COL9A2: variants seen among roughly 807,000 people sequenced by gnomAD.
COL9A2 encodes the protein collagen alpha-2(IX) chain.
A neutral mutation model predicts 111.6 loss-of-function variants in COL9A2; 66 were observed. The ratio of observed to expected loss-of-function variants is 0.59; its 90% CI spans 0.48 to 0.73. The LOEUF (loss-of-function observed/expected upper bound fraction) is 0.73. COL9A2 is among the 30% of genes least tolerant of loss of function. COL9A2 has a pLI of 0.00. For synonymous variants in COL9A2, 353 were observed against 364.1 expected, an observed-to-expected ratio of 0.97 and a Z score of 0.35; for missense variants, 881 against 954.1, an observed-to-expected ratio of 0.92 and a Z score of 1.01.
At chr1:40,306,080 T>C in intron 20 of COL9A2, 63 bp downstream of exon 20, 1 of 1,589,010 alleles carries the variant, frequency 6.3e-7, no homozygotes, top group Non-Finnish European at 8.6e-7. Context: ...GGCCTGGGCC[T>C]TGCTGTCTTC....
rs535319704 is a variant in COL9A2 at position 40,307,903 on chromosome 1, AG to A, written c.901-148del. On this transcript the variant is annotated intron_variant, in intron 17 of 31. Transcript: ENST00000372748. This position sits in a 1 kb window ranked among gnomAD's most constrained non-coding sequence, Gnocchi z 4.8. ...GGAAGCCCCACTGGCCAACTGGGGGAGGGGAGTTGAAGTGGGAAGGGGATGA... is the reference window on the plus strand; with the variant it reads ...GGAAGCCCCACTGGCCAACTGGGGGAGGGAGTTGAAGTGGGAAGGGGATGA... 1,731 of 856,290 alleles carry A rather than the reference AG, an allele frequency of 2.0e-3. 3 individuals carry two copies. The highest frequency in any genetic ancestry group is 2.6e-3 in the Non-Finnish European group (1,385 of 523,396). 53.0% of individuals were successfully genotyped at this position (856,290 alleles called of 1,614,324 possible).
At chr1:40,309,421 G>T (rs1374245249) in intron 16 of COL9A2, among the ~76,000 whole-genome samples, 1 of 148,706 alleles carries the variant, frequency 6.7e-6, no homozygotes, top group East Asian at 2.0e-4. Flanking sequence ...CCCCCAACAG[G>T]TCTATTAATT....
chr1:40,311,401 T>A lies in COL9A2; in HGVS notation c.519+99A>T. 6.4e-7 allele frequency: 1 copy of A among 1,569,876 alleles called. No individual in the cohort carries two copies. Among genetic ancestry groups the A allele is most frequent in the Non-Finnish European group, 8.7e-7 (1 of 1,152,350 alleles). On this transcript the variant is annotated intron_variant, in intron 10 of 31. Coordinates refer to ENST00000372748, the MANE Select transcript of COL9A2 (RefSeq NM_001852.4). This position sits in a 1 kb window ranked among gnomAD's most constrained non-coding sequence, Gnocchi z 5.1. Reference sequence around the variant, plus strand: ...GGTGGAACCCCTGCACTGCAGCCCCTCCCCATCTCTCCAGACACCCCCATC... The same window carrying A: ...GGTGGAACCCCTGCACTGCAGCCCCACCCCATCTCTCCAGACACCCCCATC...
In COL9A2 at chr1:40,311,438, G is replaced by A. The variant is rs1287338428; in HGVS notation, c.519+62C>T. ...CAGACACCCCCATCTCCGTGGCCCC[G>A]CCTCCCCATCTCTGTGGCCCCGCCC... is the stretch of plus-strand genomic sequence containing the variant. On this transcript the variant is annotated intron_variant, in intron 10 of 31. Transcript: ENST00000372748. The surrounding 1 kb of genome is among the most constrained non-coding windows in gnomAD (Gnocchi z 5.1). 10 of 816,852 alleles carry A rather than the reference G, an allele frequency of 1.2e-5. No individual in the cohort carries two copies. The East Asian group carries it at 1.6e-4, about 13-fold the overall frequency. 50.6% of individuals were successfully genotyped at this position (816,852 alleles called of 1,614,324 possible). A position where few individuals can be genotyped will look rare whatever the true frequency, so the allele number is the denominator to read the frequency against.
rs1408464649 is a variant in COL9A2, at chr1:40,303,703, A to G, written c.1402-27T>C. The G allele has an allele frequency of 6.8e-7, 1 of 1,476,068 alleles. No individual in the cohort carries two copies. The highest frequency in any genetic ancestry group is 1.6e-5 in the African/African-American group (1 of 62,862). 91.4% of individuals were successfully genotyped at this position (1,476,068 alleles called of 1,614,324 possible). On this transcript the variant is annotated intron_variant, in intron 27 of 31. Coordinates refer to ENST00000372748, the MANE Select transcript of COL9A2 (RefSeq NM_001852.4). The surrounding 1 kb of genome is among the most constrained non-coding windows in gnomAD (Gnocchi z 4.6). ...TGCGGGGGGATGGGGGTGGGAGCAG[A>G]GCCGGGTGAGAAGGCGCCCGGGTGG...
Position 40,307,634 on chromosome 1 carries a change from C to A in COL9A2, c.954+69G>T. Reference sequence around the variant, plus strand: ...GTCCATGACCTGAGGACCCCAGGCTCTTGGTGTCTAGAATCCAGGACTCAA... The same window carrying A: ...GTCCATGACCTGAGGACCCCAGGCTATTGGTGTCTAGAATCCAGGACTCAA... On this transcript the variant is annotated intron_variant, in intron 18 of 31. Transcript: ENST00000372748. This position sits in a 1 kb window ranked among gnomAD's most constrained non-coding sequence, Gnocchi z 4.8. 1 of 1,599,848 alleles carries A rather than the reference C, an allele frequency of 6.3e-7. No individual in the cohort carries two copies. The highest frequency in any genetic ancestry group is 1.1e-5 in the South Asian group (1 of 89,874).
In COL9A2 at chr1:40,314,291, C is replaced by T. The variant is rs369069863; in HGVS notation, c.187-24G>A. The T allele has an allele frequency of 4.3e-6, 7 of 1,614,080 alleles. No individual in the cohort carries two copies. The highest frequency in any genetic ancestry group is 5.9e-6 in the Non-Finnish European group (7 of 1,180,044). On this transcript the variant is annotated intron_variant, in intron 3 of 31. Coordinates refer to ENST00000372748, the MANE Select transcript of COL9A2 (RefSeq NM_001852.4). This position sits in a 1 kb window ranked among gnomAD's most constrained non-coding sequence, Gnocchi z 4.1. ...CCCTTGAAAACAGAGATGGAACAAA[C>T]ATGAGCCAGAGGAGGGCAAGAGCAG... is the stretch of plus-strand genomic sequence containing the variant.
rs1235609814 is a variant in COL9A2, at chr1:40,310,748, C to T, written c.650G>A (p.Gly217Asp). 3 of 1,563,456 alleles carry T rather than the reference C, an allele frequency of 1.9e-6. No individual in the cohort carries two copies. The highest frequency in any genetic ancestry group is 2.6e-6 in the Non-Finnish European group (3 of 1,153,242). ...AGGGATGCCTTGCTCTCCAGAGGCA[C>T]CCACATCTCCCTTGGGACCCTAAAG... is the stretch of plus-strand genomic sequence containing the variant. ...QGKPGPKGDV[G>D]ASGEQGIPGP... Residue 217 changes from glycine to aspartate, a missense_variant, in exon 13 of 32, where the codon GGT becomes GAT. Physicochemically the swap from Gly to Asp is moderately conservative, Grantham distance 94. Coordinates refer to ENST00000372748, the MANE Select transcript of COL9A2 (RefSeq NM_001852.4). This position sits in a 1 kb window ranked among gnomAD's most constrained non-coding sequence, Gnocchi z 4.9.
rs1643988414 is a variant in COL9A2, at chr1:40,304,401, A to G, written c.1216-10T>C. 6.2e-7 allele frequency: 1 copy of G among 1,607,270 alleles called. No individual in the cohort carries two copies. Among genetic ancestry groups the G allele is most frequent in the Non-Finnish European group, 8.5e-7 (1 of 1,176,940 alleles). On this transcript the variant is annotated splice_polypyrimidine_tract_variant and intron_variant, in intron 23 of 31. Transcript: ENST00000372748. ...GCTCCCCCTTAGGGCCCTGAGGAGA[A>G]AAGAAACCAAAGGAATAAATGGAAT...
In COL9A2 at chr1:40,307,468, C is replaced by T; in HGVS notation, c.986G>A (p.Ser329Asn). Residue 329 changes from serine to asparagine, a missense_variant, in exon 19 of 32, where the codon AGT (serine) becomes AAT (asparagine). By Grantham distance (46) the Ser-to-Asn change is conservative (BLOSUM62 1). Coordinates refer to ENST00000372748, the MANE Select transcript of COL9A2 (RefSeq NM_001852.4). The surrounding 1 kb of genome is among the most constrained non-coding windows in gnomAD (Gnocchi z 4.8). ...TACCGCTAGGCCCTGGTGGCCTGGA[C>T]TTCCGGGCTGTCCCGCCTGTCCTGC... ...GSAGQAGQPG[S>N]PGHQGLAGVP... The T allele has an allele frequency of 6.2e-7, 1 of 1,614,148 alleles. No individual in the cohort carries two copies. Among genetic ancestry groups the T allele is most frequent in the Non-Finnish European group, 8.5e-7 (1 of 1,180,000 alleles).
chr1:40,315,012 C>T (rs541290595), intron 2 of COL9A2, among the ~76,000 whole-genome samples: 11 of 152,184 alleles, frequency 7.2e-5, no homozygotes, highest in Admixed American at 7.2e-4. Context: ...GCCGGGGGCC[C>T]AGCATCCTGT....
chr1:40,301,945 A>AT (rs1643921182), intron 30 of COL9A2, 56 bp from the exon 31 acceptor site: 2 of 1,512,024 alleles, frequency 1.3e-6, no homozygotes, highest in Admixed American at 1.8e-5. Flanking sequence ...CTTTTCCTCT[A>AT]TTTTTTGCTA....
In COL9A2 at chr1:40,300,951, C is replaced by T. The variant is rs2124029015; in HGVS notation, c.*231G>A. 3.7e-6 allele frequency: 2 copies of T among 546,466 alleles called. No individual in the cohort carries two copies. Among genetic ancestry groups the T allele is most frequent in the South Asian group, 2.5e-5 (1 of 40,260 alleles). 33.9% of individuals were successfully genotyped at this position (546,466 alleles called of 1,614,324 possible). ...AAGCCGCCCTATTCCTTCAGCGCTTCGACTCCATCGACACCACTTGCCCTG... is the reference window on the plus strand; with the variant it reads ...AAGCCGCCCTATTCCTTCAGCGCTTTGACTCCATCGACACCACTTGCCCTG... On this transcript the variant is annotated 3_prime_UTR_variant, in exon 32 of 32. Coordinates refer to ENST00000372748, the MANE Select transcript of COL9A2 (RefSeq NM_001852.4). The surrounding 1 kb of genome is among the most constrained non-coding windows in gnomAD (Gnocchi z 4.4).
rs1283753524 is a variant in COL9A2 at position 40,300,961 on chromosome 1, G to A, written c.*221C>T. On this transcript the variant is annotated 3_prime_UTR_variant, in exon 32 of 32. Transcript: ENST00000372748. This position sits in a 1 kb window ranked among gnomAD's most constrained non-coding sequence, Gnocchi z 4.4. ...ATTCCTTCAGCGCTTCGACTCCATCGACACCACTTGCCCTGTGTGTTGGCC... is the reference window on the plus strand; with the variant it reads ...ATTCCTTCAGCGCTTCGACTCCATCAACACCACTTGCCCTGTGTGTTGGCC... The A allele has an allele frequency of 2.0e-5, 11 of 555,068 alleles. No homozygotes were observed. The highest frequency in any genetic ancestry group is 2.9e-5 in the Non-Finnish European group (9 of 310,432). The allele number at this position is 555,068 out of a possible 1,614,324, so 34.4% of individuals were successfully genotyped here.
At position 40,302,433 on chromosome 1, in the gene COL9A2, G is replaced by T. The variant is rs1643927916; in HGVS notation, c.1792+188C>A. The stretch of plus-strand genomic sequence containing the variant: ...CAAAAACAAACCCCAGAAACCCCGA[G>T]TGATAACATAGTACATTCATTGCCA... On this transcript the variant is annotated intron_variant, in intron 30 of 31. Transcript: ENST00000372748. This position sits in a 1 kb window ranked among gnomAD's most constrained non-coding sequence, Gnocchi z 4.5. Among the ~76,000 whole-genome samples the T allele has an allele frequency of 6.6e-6, 1 of 152,172 alleles. No individual in the cohort carries two copies. Among genetic ancestry groups the T allele is most frequent in the Admixed American group, 6.5e-5 (1 of 15,284 alleles).
At chr1:40,301,722 G>T in intron 31 of COL9A2, 90 bp downstream of exon 31, 1 of 1,270,788 alleles carries the variant, frequency 7.9e-7, no homozygotes, top group Non-Finnish European at 1.1e-6. Flanking sequence ...GGCTGAGCGT[G>T]AGGCCGCCAT....
chr1:40,308,121 C>A, intron 17 of COL9A2, 71 bp downstream of exon 17: 1 of 1,485,484 alleles, frequency 6.7e-7, no homozygotes, highest in Non-Finnish European at 9.4e-7. Flanking sequence ...CCAGGCTTCT[C>A]TTCTGGGGGT....
intron 22 of COL9A2, 29 bp downstream of exon 22, chr1:40,304,765 G>A (rs868099685): frequency 1.7e-5 from 26 of 1,537,276 alleles, no homozygotes; most frequent in African/African-American, 2.7e-5. Context: ...AGAGGCCCCC[G>A]GGGAGGGGCC....
chr1:40,317,164 G>T lies in COL9A2; in HGVS notation c.34C>A (p.Leu12Ile). Reference protein sequence around the residue: ...AAATASPRSLLVLLQVVVLAL... With the variant: ...AAATASPRSLIVLLQVVVLAL... ...AGCACTACCACCTGGAGGAGAACAAGGAGGCTGCGGGGGGAGGCCGTAGCG... is the reference window on the plus strand; with the variant it reads ...AGCACTACCACCTGGAGGAGAACAATGAGGCTGCGGGGGGAGGCCGTAGCG... The change falls in exon 1 of 32, where the codon CTT (leucine) becomes ATT (isoleucine). Residue 12 changes from leucine to isoleucine, a missense_variant. Transcript: ENST00000372748. The surrounding 1 kb of genome is among the most constrained non-coding windows in gnomAD (Gnocchi z 4.3). The T allele has an allele frequency of 6.3e-7, 1 of 1,589,436 alleles. No individual in the cohort carries two copies. The highest frequency in any genetic ancestry group is 2.3e-5 in the East Asian group (1 of 43,284).
Sources: gnomAD v4.1 joint callset for allele counts (sites outside exome capture counted in the v4.1 genomes callset) on GRCh38, gnomAD v4.1.1 for gene constraint, Gnocchi (gnomAD v3.1) non-coding constraint, MANE v1.5 for transcripts, NCBI Gene and HGNC (gene_info 2026-07-23, HGNC 2026-07-21) for gene names.